DOCK7: variants seen among roughly 807,000 people sequenced by gnomAD.
DOCK7 encodes dedicator of cytokinesis protein 7.
Under a neutral mutation model 271.0 loss-of-function variants are expected in DOCK7, and 138 were observed. The ratio of observed to expected loss-of-function variants is 0.51; its 90% CI spans 0.44 to 0.59. The LOEUF is 0.59. Ranked by LOEUF, DOCK7 falls within the 20% of genes least tolerant of loss-of-function variation. DOCK7 has a pLI of 0.00. For synonymous variants in DOCK7, 823 were observed against 876.1 expected (o/e 0.94, Z 1.07); for missense variants, 2,066 against 2,592.4 (o/e 0.80, Z 4.41).
intron 41 of DOCK7, among the ~76,000 whole-genome samples, chr1:62,491,060 T>C (rs186265336): frequency 9.2e-5 from 14 of 152,322 alleles, no homozygotes; most frequent in Admixed American, 8.5e-4. Context: ...AAAACATTCC[T>C]ATGAGGTAGG....
chr1:62,633,831 A>C (rs1654921471), intron 9 of DOCK7: 1 of 359,110 alleles, frequency 2.8e-6, no homozygotes, highest in South Asian at 4.9e-5. Flanking sequence ...CATCATACTC[A>C]ATGGTTAAAG....
chr1:62,537,540 C>T lies in DOCK7; in HGVS notation c.3471+351G>A, dbSNP rs369452622. On this transcript the variant is annotated intron_variant, in intron 28 of 49. Coordinates refer to ENST00000635253, the MANE Select transcript of DOCK7 (RefSeq NM_001367561.1). ...GGCGGAAGTTGCAGTGAGCCGAGAT[C>T]GCACCACTGCACTCCAGCCTGGGAG... 1.3e-3 allele frequency among the ~76,000 whole-genome samples: 183 copies of T among 145,806 alleles called. No individual in the cohort carries two copies. In the Middle Eastern group the frequency reaches 0.013, roughly 11 times the overall value.
At chr1:62,644,011 A>C (rs919309338) in intron 7 of DOCK7, among the ~76,000 whole-genome samples, 7 of 152,100 alleles carry the variant, frequency 4.6e-5, no homozygotes, top group Admixed American at 3.3e-4. Flanking sequence ...ATTTACTTAA[A>C]TATATTAAAA....
In DOCK7 at chr1:62,561,627, A is replaced by C. The variant is rs1267356257; in HGVS notation, c.2189T>G (p.Ile730Ser). 2 of 1,565,720 alleles carry C rather than the reference A, an allele frequency of 1.3e-6. No individual in the cohort carries two copies. Among genetic ancestry groups the C allele is most frequent in the South Asian group, 2.5e-5 (2 of 80,526 alleles). Reference sequence around the variant, plus strand: ...ATTATTAAAACTCACTTGTGTATGGATAGACGAAACAGCAACAACTTCAAC... The same window carrying C: ...ATTATTAAAACTCACTTGTGTATGGCTAGACGAAACAGCAACAACTTCAAC... ...FNVEVVAVSS[I>S]HTQDPYLDKF... is the part of the protein sequence containing the mutation. Residue 730 changes from isoleucine to serine, a missense_variant, in exon 19 of 50, where the codon ATC becomes AGC. By Grantham distance (142) the Ile-to-Ser change is moderately radical. This residue lies in a region of DOCK7 where 1,414 missense variants were observed against 1,670.4 expected (regional missense o/e 0.85). Coordinates refer to ENST00000635253, the MANE Select transcript of DOCK7 (RefSeq NM_001367561.1).
chr1:62,577,736 G>C (rs941979030), intron 17 of DOCK7, among the ~76,000 whole-genome samples: 1 of 152,126 alleles, frequency 6.6e-6, no homozygotes, highest in Non-Finnish European at 1.5e-5. Flanking sequence ...GAAACAAAAA[G>C]TATGATCATA....
intron 14 of DOCK7, chr1:62,608,859 A>C (rs1457778685): frequency 1.5e-5 from 1 of 67,578 alleles, no homozygotes; most frequent in African/African-American, 6.3e-5. Context: ...CAACTAACTC[A>C]TTCATTAATT....
At position 62,542,707 on chromosome 1, in the gene DOCK7, T is replaced by G; in HGVS notation, c.2950-4A>C. 1 of 1,612,056 alleles carries G rather than the reference T, an allele frequency of 6.2e-7. No individual in the cohort carries two copies. Among genetic ancestry groups the G allele is most frequent in the African/African-American group, 1.3e-5 (1 of 74,912 alleles). ...AAGCCAGCTCCTCGTGAAAAAGCTA[T>G]CCAGAAGTAAATCCAAAGTTATTAT... is the stretch of plus-strand genomic sequence containing the variant. On this transcript the variant is annotated splice_region_variant and splice_polypyrimidine_tract_variant and intron_variant, in intron 24 of 49. Coordinates refer to ENST00000635253, the MANE Select transcript of DOCK7 (RefSeq NM_001367561.1).
chr1:62,646,051 G>A (rs1248482766), intron 7 of DOCK7, among the ~76,000 whole-genome samples: 1 of 151,928 alleles, frequency 6.6e-6, no homozygotes, highest in Non-Finnish European at 1.5e-5. Context: ...GGGGGCTGAG[G>A]CAGGAGAATC....
intron 37 of DOCK7, among the ~76,000 whole-genome samples, chr1:62,497,077 A>C (rs1419342976): frequency 6.6e-6 from 1 of 152,158 alleles, no homozygotes; most frequent in Admixed American, 6.5e-5. Flanking sequence ...ATCAATTGTC[A>C]AATCCAATAT....
At chr1:62,585,903 C>T (rs554463061) in intron 15 of DOCK7, among the ~76,000 whole-genome samples, 1 of 152,214 alleles carries the variant, frequency 6.6e-6, no homozygotes, top group East Asian at 1.9e-4. Context: ...CTGGTCCAAT[C>T]CCCATACATT....
In DOCK7 at chr1:62,604,574, C is replaced by A. The variant is rs1295398028; in HGVS notation, c.1682+14132G>T. ...AGGAAGATAAACTTACGGGGAAATA[C>A]AGTAACAGTAACTACATACGAGTCT... On this transcript the variant is annotated intron_variant, in intron 14 of 49. Transcript: ENST00000635253. The A allele has an allele frequency of 2.0e-6, 3 of 1,513,052 alleles. No homozygotes were observed. In the Admixed American group the frequency reaches 5.0e-5, roughly 25 times the overall value. 93.7% of individuals were successfully genotyped at this position (1,513,052 alleles called of 1,614,324 possible).
At chr1:62,642,650 T>C (rs893251822) in intron 7 of DOCK7, among the ~76,000 whole-genome samples, 3 of 152,226 alleles carry the variant, frequency 2.0e-5, no homozygotes, top group African/African-American at 7.2e-5. Flanking sequence ...CATTGTGTTA[T>C]TGATTTTGTT....
chr1:62,631,733 T>G (rs1470528700), intron 10 of DOCK7, among the ~76,000 whole-genome samples: 4 of 144,730 alleles, frequency 2.8e-5, no homozygotes, highest in African/African-American at 2.7e-5. Flanking sequence ...AGTCAGCAAC[T>G]GGTAACTACA....
intron 14 of DOCK7, among the ~76,000 whole-genome samples, chr1:62,587,610 C>T (rs1647761508): frequency 6.6e-6 from 1 of 152,060 alleles, no homozygotes; most frequent in African/African-American, 2.4e-5. Context: ...TAAAGAAACA[C>T]AACGTTTATC....
At chr1:62,503,800 C>A (rs1166874061) in intron 37 of DOCK7, among the ~76,000 whole-genome samples, 1 of 152,030 alleles carries the variant, frequency 6.6e-6, no homozygotes, top group East Asian at 2.0e-4. Flanking sequence ...GTAATCCCAG[C>A]ACTTTGGGAG....
intron 1 of DOCK7, among the ~76,000 whole-genome samples, chr1:62,686,870 G>A (rs1169269313): frequency 7.1e-6 from 1 of 140,902 alleles, no homozygotes; most frequent in Non-Finnish European, 1.6e-5. Flanking sequence ...GTGCTAGAAC[G>A]CTGGAAAGAA....
intron 12 of DOCK7, among the ~76,000 whole-genome samples, chr1:62,623,013 A>G (rs1557818555): frequency 2.0e-5 from 3 of 151,720 alleles, no homozygotes; most frequent in African/African-American, 7.3e-5. Context: ...GGCTCAAGCG[A>G]CCCCCCAGCC....
chr1:62,607,499 A>G (rs1263038301), intron 14 of DOCK7, among the ~76,000 whole-genome samples: 1 of 152,158 alleles, frequency 6.6e-6, no homozygotes, highest in Non-Finnish European at 1.5e-5. Flanking sequence ...TCAGTGCTAG[A>G]TTATATAAGT....
intron 16 of DOCK7, among the ~76,000 whole-genome samples, chr1:62,580,764 T>A (rs1226267010): frequency 6.6e-6 from 1 of 152,082 alleles, no homozygotes; most frequent in Non-Finnish European, 1.5e-5. Flanking sequence ...AAAACAGGGG[T>A]TGGCAAACTA....
Sources: gnomAD v4.1 joint callset for allele counts (sites outside exome capture counted in the v4.1 genomes callset) on GRCh38, gnomAD v4.1.1 for gene constraint, gnomAD v4.1.1 regional missense constraint, MANE v1.5 for transcripts, NCBI Gene and HGNC (gene_info 2026-07-23, HGNC 2026-07-21) for gene names.